ZC4H2: variants seen among roughly 807,000 people sequenced by gnomAD.
ZC4H2 encodes zinc finger C4H2 domain-containing protein.
For missense variants in ZC4H2, 137 were observed against 173.9 expected (o/e 0.79, Z 1.19); for synonymous variants, 84 against 66.3 (o/e 1.27, Z -1.30).
At position 64,916,688 on chromosome X, in the gene ZC4H2, G is replaced by C. The variant is rs574359667; in HGVS notation, c.*1095C>G. ...CCTGGCTTTGGTGGAAAGGAGAGCT[G>C]TGGGGCTTGGGGAGCCTGATGCCTT... On this transcript the variant is annotated 3_prime_UTR_variant, in exon 5 of 5. Coordinates refer to ENST00000374839, the MANE Select transcript of ZC4H2 (RefSeq NM_018684.4). The C allele has an allele frequency of 9.0e-6, 1 of 111,408 alleles. No homozygotes were observed. Among genetic ancestry groups the C allele is most frequent in the African/African-American group, 3.3e-5 (1 of 30,612 alleles). 9.2% of individuals were successfully genotyped at this position (111,408 alleles called of 1,213,427 possible). A position where few individuals can be genotyped will look rare whatever the true frequency, so the allele number is the denominator to read the frequency against.
At chrX:64,953,703 C>T in intron 1 of ZC4H2, among the ~76,000 whole-genome samples, 1 of 111,852 alleles carries the variant, frequency 8.9e-6, no homozygotes, top group East Asian at 2.8e-4. Flanking sequence ...AATAGGAACA[C>T]TTTCACACTG....
At chrX:65,023,787 C>T (rs1932854828) in intron 1 of ZC4H2, among the ~76,000 whole-genome samples, 2 of 111,631 alleles carry the variant, frequency 1.8e-5, no homozygotes, top group African/African-American at 6.5e-5. Context: ...AATCATTCTA[C>T]TATAAAGACA....
intron 1 of ZC4H2, among the ~76,000 whole-genome samples, chrX:64,961,638 T>G (rs1429505883): frequency 1.1e-5 from 1 of 86,976 alleles, no homozygotes; most frequent in Non-Finnish European, 2.8e-5. Context: ...ACTAAGAGGG[T>G]TTTTTTTGAA....
chrX:64,948,190 TG>T (rs774300563), intron 1 of ZC4H2, among the ~76,000 whole-genome samples: 1 of 111,432 alleles, frequency 9.0e-6, no homozygotes, highest in East Asian at 2.8e-4. Flanking sequence ...TGAGTTTCTT[TG>T]GGCGAATTTC....
intron 1 of ZC4H2, among the ~76,000 whole-genome samples, chrX:64,968,708 T>C (rs1931675493): frequency 8.9e-6 from 1 of 111,766 alleles, no homozygotes; most frequent in South Asian, 3.8e-4. Context: ...CAGGGTACTT[T>C]AGGGTTTCTA....
intron 1 of ZC4H2, among the ~76,000 whole-genome samples, chrX:64,939,689 C>A (rs1444297742): frequency 1.8e-5 from 2 of 111,978 alleles, no homozygotes; most frequent in Admixed American, 1.9e-4. Flanking sequence ...GGAAAGGATT[C>A]CCTATTTAAT....
intron 1 of ZC4H2, among the ~76,000 whole-genome samples, chrX:64,954,233 G>A (rs1440319416): frequency 1.0e-5 from 1 of 98,894 alleles, no homozygotes; most frequent in Non-Finnish European, 2.0e-5. Flanking sequence ...ACGAGTTAAT[G>A]GGTGCAGCAC....
intron 1 of ZC4H2, among the ~76,000 whole-genome samples, chrX:65,027,305 G>A (rs1932889701): frequency 8.9e-6 from 1 of 111,741 alleles, no homozygotes; most frequent in South Asian, 3.7e-4. Context: ...TTTTTAGCAG[G>A]GAGAGAATTT....
In ZC4H2 at chrX:65,026,613, G is replaced by T. The variant is rs1444688084; in HGVS notation, c.-272+8016C>A. On this transcript the variant is annotated intron_variant, in intron 1 of 4. Transcript: ENST00000337990. ...AGTCCCAGCTACTCGGGAGGCTGAG[G>T]CAGGAGAATGGCGTGAACCCGGGTG... is the stretch of plus-strand genomic sequence containing the variant. 8.1e-5 allele frequency among the ~76,000 whole-genome samples: 9 copies of T among 110,705 alleles called. 1 individual carries two copies. The highest frequency in any genetic ancestry group is 1.5e-4 in the Non-Finnish European group (8 of 52,804).
chrX:64,989,250 G>T (rs1347614643), intron 1 of ZC4H2, among the ~76,000 whole-genome samples: 1 of 111,855 alleles, frequency 8.9e-6, no homozygotes, highest in Non-Finnish European at 1.9e-5. Flanking sequence ...TTCCAATTCT[G>T]TGAAGAAAGT....
In ZC4H2 at chrX:64,918,010, G is replaced by A. The variant is rs73627900; in HGVS notation, c.562-114C>T. The A allele has an allele frequency of 1.7e-3, 1,458 of 879,707 alleles. 13 individuals carry two copies. The African/African-American group carries it at 0.026, about 16-fold the overall frequency. 72.5% of individuals were successfully genotyped at this position (879,707 alleles called of 1,213,427 possible). On this transcript the variant is annotated intron_variant, in intron 4 of 4. Transcript: ENST00000374839. The stretch of plus-strand genomic sequence containing the variant: ...CAAAGTGATTTCCCATCAGAAGAGA[G>A]CAATAATCAGTGAGTAGACTCAAGT...
chrX:64,976,254 A>C (rs982942834), intron 1 of ZC4H2, 71 bp downstream of exon 1: 1 of 1,118,595 alleles, frequency 8.9e-7, no homozygotes. Flanking sequence ...ACAGCCCAAC[A>C]ATAGATAATT....
At chrX:65,025,806 G>T (rs902071265) in intron 1 of ZC4H2, among the ~76,000 whole-genome samples, 2 of 111,984 alleles carry the variant, frequency 1.8e-5, no homozygotes, top group Admixed American at 9.5e-5. Flanking sequence ...ACTAAACATA[G>T]GATGCTGCAC....
intron 1 of ZC4H2, among the ~76,000 whole-genome samples, chrX:65,029,644 T>G (rs1225887714): frequency 9.0e-6 from 1 of 111,394 alleles, no homozygotes; most frequent in Non-Finnish European, 1.9e-5. Flanking sequence ...ACCTCTGAGG[T>G]GCTAGATGAG....
intron 1 of ZC4H2, among the ~76,000 whole-genome samples, chrX:64,992,281 T>G (rs1932323669): frequency 9.0e-6 from 1 of 111,638 alleles, no homozygotes; most frequent in Non-Finnish European, 1.9e-5. Flanking sequence ...ATGAGCATTC[T>G]TGTTCACCTT....
chrX:64,981,004 T>C (rs1201340168), upstream of ZC4H2, among the ~76,000 whole-genome samples: 2 of 110,338 alleles, frequency 1.8e-5, no homozygotes, highest in African/African-American at 6.6e-5. Flanking sequence ...AGAGATGACA[T>C]TGTAGTGGAG....
intron 1 of ZC4H2, among the ~76,000 whole-genome samples, chrX:64,982,988 G>A (rs1932112881): frequency 1.8e-5 from 2 of 111,930 alleles, no homozygotes; most frequent in Admixed American, 9.5e-5. Flanking sequence ...TGGGAGAGGA[G>A]TGGGAAGGCA....
At chrX:65,005,372 C>T (rs1241140569) in intron 1 of ZC4H2, among the ~76,000 whole-genome samples, 3 of 111,260 alleles carry the variant, frequency 2.7e-5, no homozygotes, top group Non-Finnish European at 5.6e-5. Context: ...GATACTGGTA[C>T]CAAAACAGAG....
chrX:65,008,551 A>T (rs746940714), intron 1 of ZC4H2, among the ~76,000 whole-genome samples: 4 of 112,587 alleles, frequency 3.6e-5, no homozygotes, highest in Non-Finnish European at 7.5e-5. Flanking sequence ...AGCCAAGCTA[A>T]GGAATCAAAC....
Sources: allele counts gnomAD v4.1 joint callset (sites outside exome capture counted in the v4.1 genomes callset), GRCh38; gene constraint gnomAD v4.1.1; transcripts MANE v1.5; gene names NCBI Gene and HGNC (gene_info 2026-07-23, HGNC 2026-07-21).